UBE2W: variants seen among roughly 807,000 people sequenced by gnomAD.
UBE2W encodes ubiquitin conjugating enzyme E2 W.
A neutral mutation model predicts 27.2 loss-of-function variants in UBE2W; 18 were observed. That is an observed-to-expected ratio of 0.66 (90% CI 0.46 to 0.98). UBE2W has a LOEUF of 0.98. UBE2W is among the 50% of genes least tolerant of loss of function. The pLI is 0.00. For synonymous variants in UBE2W, 53 were observed against 57.2 expected (o/e 0.93, Z 0.33); for missense variants, 90 against 180.2 (o/e 0.50, Z 2.87).
Position 73,791,591 on chromosome 8 carries a change from T to C in UBE2W, c.*2511A>G, listed in dbSNP as rs183249884. 12 of 985,224 alleles carry C rather than the reference T, an allele frequency of 1.2e-5. No individual in the cohort carries two copies. Among genetic ancestry groups the C allele is most frequent in the East Asian group, 1.1e-4 (1 of 8,818 alleles). The allele number at this position is 985,224 out of a possible 1,614,324, so 61.0% of individuals were successfully genotyped here. A position where few individuals can be genotyped will look rare whatever the true frequency, so the allele number is the denominator to read the frequency against. On this transcript the variant is annotated 3_prime_UTR_variant, in exon 6 of 6. Transcript: ENST00000602593. The stretch of plus-strand genomic sequence containing the variant: ...TCTTTTTATTATTACAAGCCATTAA[T>C]TGCTCTCTGTAGAGCAATGACTCAG...
At chr8:73,842,744 T>A (rs1810598597) in intron 1 of UBE2W, among the ~76,000 whole-genome samples, 1 of 152,124 alleles carries the variant, frequency 6.6e-6, no homozygotes. Flanking sequence ...GAAATGGCAG[T>A]GGAGAAAGAG....
intron 1 of UBE2W, among the ~76,000 whole-genome samples, chr8:73,875,422 C>T (rs1232910937): frequency 6.6e-6 from 1 of 152,172 alleles, no homozygotes; most frequent in Admixed American, 6.5e-5. Context: ...TACATTAAAG[C>T]AGTTACTAGC....
rs541497658 is a variant in UBE2W at position 73,821,523 on chromosome 8, G to T, written c.210+3624C>A. On this transcript the variant is annotated intron_variant, in intron 3 of 5. Transcript: ENST00000602593. Reference sequence around the variant, plus strand: ...GAGTGAGACAGAGTGTGTGTGTGGTGGGGGGGTGGAGTGGGGTGTGGGAGT... The same window carrying T: ...GAGTGAGACAGAGTGTGTGTGTGGTTGGGGGGTGGAGTGGGGTGTGGGAGT... Among the ~76,000 whole-genome samples, 294 of 139,970 alleles carry T rather than the reference G, an allele frequency of 2.1e-3. 1 individual carries two copies. The highest frequency in any genetic ancestry group is 7.7e-3 in the African/African-American group (269 of 34,770). The allele number at this position is 139,970 out of a possible 152,430, so 91.8% of individuals were successfully genotyped here.
intron 2 of UBE2W, among the ~76,000 whole-genome samples, chr8:73,827,209 C>T (rs921441201): frequency 2.0e-5 from 3 of 152,004 alleles, no homozygotes; most frequent in Admixed American, 1.3e-4. Flanking sequence ...CAACATGGTG[C>T]GTGGTACTTT....
chr8:73,809,948 G>C (rs35615243), intron 4 of UBE2W, among the ~76,000 whole-genome samples: 93 of 151,924 alleles, frequency 6.1e-4, no homozygotes, highest in South Asian at 3.1e-3. Flanking sequence ...ATCAGACATA[G>C]AATCTGTGGA....
Position 73,846,239 on chromosome 8 carries a change from A to C in UBE2W, c.16-15767T>G, listed in dbSNP as rs1810792094. ...TGGTGAAACCTCACCTCTACTAAAA[A>C]TACAAAATTAGCCAGGTGTTGTGAC... is the stretch of plus-strand genomic sequence containing the variant. On this transcript the variant is annotated intron_variant, in intron 1 of 5. Coordinates refer to ENST00000602593, the MANE Select transcript of UBE2W (RefSeq NM_018299.6). Among the ~76,000 whole-genome samples, 3 of 152,212 alleles carry C rather than the reference A, an allele frequency of 2.0e-5. No homozygotes were observed. In the South Asian group the frequency reaches 6.2e-4, roughly 32 times the overall value.
intron 1 of UBE2W, among the ~76,000 whole-genome samples, chr8:73,848,204 G>GTAAATAAA (rs1161054554): frequency 0.01 from 1,571 of 151,908 alleles, 34 homozygotes; most frequent in African/African-American, 0.036. Flanking sequence ...AAATAAATAA[G>GTAAATAAA]TAAATAAATA....
Position 73,787,092 on chromosome 8 carries a change from A to G in UBE2W, c.*7010T>C. The G allele has an allele frequency of 1.0e-6, 1 of 985,432 alleles. No individual in the cohort carries two copies. The highest frequency in any genetic ancestry group is 1.2e-6 in the Non-Finnish European group (1 of 829,936). 61.0% of individuals were successfully genotyped at this position (985,432 alleles called of 1,614,324 possible). A position where few individuals can be genotyped will look rare whatever the true frequency, so the allele number is the denominator to read the frequency against. ...TATTTCCATAATCCACTTAACTGTA[A>G]AGGGCGTAGGGATTCCCACTTATGT... On this transcript the variant is annotated 3_prime_UTR_variant, in exon 6 of 6. Coordinates refer to ENST00000602593, the MANE Select transcript of UBE2W (RefSeq NM_018299.6).
At chr8:73,834,658 C>T (rs377181917) in intron 1 of UBE2W, among the ~76,000 whole-genome samples, 181 of 152,240 alleles carry the variant, frequency 1.2e-3, no homozygotes, top group African/African-American at 3.9e-3. Context: ...CCTGTAATTC[C>T]AGCACTTTGG....
chr8:73,787,287 A>C lies in UBE2W; in HGVS notation c.*6815T>G. The stretch of plus-strand genomic sequence containing the variant: ...GCTTCTTCAATTTAGCTTATGTTTA[A>C]TTTTGTTACGTGTTATGTTAGTGTG... On this transcript the variant is annotated 3_prime_UTR_variant, in exon 6 of 6. Coordinates refer to ENST00000602593, the MANE Select transcript of UBE2W (RefSeq NM_018299.6). 1 of 985,426 alleles carries C rather than the reference A, an allele frequency of 1.0e-6. No individual in the cohort carries two copies. 61.0% of individuals were successfully genotyped at this position (985,426 alleles called of 1,614,324 possible).
intron 4 of UBE2W, chr8:73,780,530 T>C (rs769681988): frequency 2.3e-6 from 1 of 432,862 alleles, no homozygotes. Flanking sequence ...GAAAAAAAAA[T>C]TTATTTATTT....
At chr8:73,785,115 C>T (rs1329442834), downstream of UBE2W, among the ~76,000 whole-genome samples, 1 of 152,146 alleles carries the variant, frequency 6.6e-6, no homozygotes, top group Non-Finnish European at 1.5e-5. Flanking sequence ...GCCTGAAACC[C>T]ATCTACAAAG....
rs1362594241 is a variant in UBE2W, at chr8:73,807,830, G to T, written c.367-2104C>A. ...CATTTATCTCCCTGACAAATGATCA[G>T]GGAGATACAGTTCTTGGAAAAGAAA... is the stretch of plus-strand genomic sequence containing the variant. On this transcript the variant is annotated intron_variant, in intron 4 of 5. Transcript: ENST00000602593. Among the ~76,000 whole-genome samples the T allele has an allele frequency of 2.6e-5, 4 of 152,116 alleles. No homozygotes were observed. In the East Asian group the frequency reaches 7.7e-4, roughly 29 times the overall value.
At chr8:73,820,407 T>C (rs760411560) in intron 3 of UBE2W, among the ~76,000 whole-genome samples, 1 of 152,142 alleles carries the variant, frequency 6.6e-6, no homozygotes, top group Non-Finnish European at 1.5e-5. Context: ...TATTAGAATA[T>C]ACAACCTCTA....
chr8:73,869,687 G>C (rs772360943), intron 1 of UBE2W, among the ~76,000 whole-genome samples: 1 of 151,228 alleles, frequency 6.6e-6, no homozygotes, highest in Non-Finnish European at 1.5e-5. Flanking sequence ...CAAGACTCTT[G>C]TCTCAGGGAA....
In UBE2W at chr8:73,793,727, T is replaced by C; in HGVS notation, c.*375A>G. The stretch of plus-strand genomic sequence containing the variant: ...GAATGGCAGGAGTTAATGAAAACTT[T>C]TCCTGTTACAACGCCCATTGCCGGC... On this transcript the variant is annotated 3_prime_UTR_variant, in exon 6 of 6. Transcript: ENST00000602593. The C allele has an allele frequency of 9.9e-7, 1 of 1,007,576 alleles. No individual in the cohort carries two copies. Among genetic ancestry groups the C allele is most frequent in the Non-Finnish European group, 1.2e-6 (1 of 844,586 alleles). The allele number at this position is 1,007,576 out of a possible 1,614,324, so 62.4% of individuals were successfully genotyped here. A position where few individuals can be genotyped will look rare whatever the true frequency, so the allele number is the denominator to read the frequency against.
intron 1 of UBE2W, among the ~76,000 whole-genome samples, chr8:73,838,982 C>G (rs984430121): frequency 6.6e-6 from 1 of 152,178 alleles, no homozygotes; most frequent in African/African-American, 2.4e-5. Context: ...CAAGAAGATT[C>G]TGTATCTGGG....
chr8:73,794,182 T>C, intron 5 of UBE2W, 67 bp from the exon 6 acceptor site: 1 of 1,555,852 alleles, frequency 6.4e-7, no homozygotes, highest in Non-Finnish European at 8.8e-7. Flanking sequence ...TACAAGTCTG[T>C]TTAATGTAGA....
At position 73,848,204 on chromosome 8, in the gene UBE2W, GTAAATAAA is replaced by G. The variant is rs1161054554; in HGVS notation, c.16-17740_16-17733del. Among the ~76,000 whole-genome samples the G allele has an allele frequency of 2.6e-5, 4 of 151,928 alleles. 1 individual carries two copies. Among genetic ancestry groups the G allele is most frequent in the East Asian group, 3.9e-4 (2 of 5,180 alleles). On this transcript the variant is annotated intron_variant, in intron 1 of 5. Transcript: ENST00000602593. The stretch of plus-strand genomic sequence containing the variant: ...AAAAACTGTGTCTCAAAATAAATAA[GTAAATAAA>G]TAAATAAATAAATAATTGGTAAATT...
Sources: gnomAD v4.1 joint callset for allele counts (sites outside exome capture counted in the v4.1 genomes callset) on GRCh38, gnomAD v4.1.1 for gene constraint, MANE v1.5 for transcripts, NCBI Gene and HGNC (gene_info 2026-07-23, HGNC 2026-07-21) for gene names.